The following DSCAML1 variants were observed in gnomAD, a reference collection of about 807,000 sequenced individuals.
The protein encoded by DSCAML1 is DS cell adhesion molecule like 1.
A neutral mutation model predicts 200.5 loss-of-function variants in DSCAML1; 38 were observed. That is an observed-to-expected ratio of 0.19 (90% CI 0.15 to 0.25). The LOEUF is 0.25. Among genes scored for constraint, DSCAML1 ranks in the 10% least tolerant of loss-of-function variants. DSCAML1 has a pLI of 1.00. For missense variants in DSCAML1, 2,223 were observed against 2,858.8 expected (o/e 0.78, Z 5.07); for synonymous variants, 1,215 against 1,165.0 (o/e 1.04, Z -0.87).
chr11:117,493,507 G>A (rs893944564), intron 11 of DSCAML1, among the ~76,000 whole-genome samples: 1 of 151,822 alleles, frequency 6.6e-6, no homozygotes, highest in Non-Finnish European at 1.5e-5. Context: ...GTAGAGATGG[G>A]GTTTCACCAT....
rs1592554204 is a variant in DSCAML1, at chr11:117,428,545, C to T, written c.5945G>A (p.Gly1982Asp). ...RTLAMPAPPA[G>D]TAPPAPGPTP... ...GGGGCCGGGGGCTGGGGGGGCTGTG[C>T]CGGCTGGGGGGGCTGGCATGGCCAG... Residue 1982 changes from glycine (G) to aspartate (D), a missense_variant, in exon 33 of 33, where the codon GGC (glycine) becomes GAC (aspartate). This residue lies in a region of DSCAML1 where 280 missense variants were observed against 213.4 expected (regional missense o/e 1.31). Coordinates refer to ENST00000651296, the MANE Select transcript of DSCAML1 (RefSeq NM_020693.4). 1 of 1,529,808 alleles carries T rather than the reference C, an allele frequency of 6.5e-7. No individual in the cohort carries two copies. The highest frequency in any genetic ancestry group is 8.8e-7 in the Non-Finnish European group (1 of 1,132,140). 94.8% of individuals were successfully genotyped at this position (1,529,808 alleles called of 1,614,324 possible).
chr11:117,682,286 C>A (rs1281689936), intron 3 of DSCAML1, among the ~76,000 whole-genome samples: 1 of 152,138 alleles, frequency 6.6e-6, no homozygotes, highest in Non-Finnish European at 1.5e-5. Context: ...CCAGCCCTGT[C>A]CAGAAACCTC....
chr11:117,526,461 C>T (rs2049980399), intron 4 of DSCAML1, among the ~76,000 whole-genome samples: 2 of 152,192 alleles, frequency 1.3e-5, no homozygotes, highest in African/African-American at 4.8e-5. Context: ...CTCTCAATGA[C>T]TCCCACAGAT....
At chr11:117,605,638 A>G (rs115895281) in intron 3 of DSCAML1, among the ~76,000 whole-genome samples, 6,477 of 152,198 alleles carry the variant, frequency 0.043, 238 homozygotes, top group African/African-American at 0.1. Context: ...CTGAGGCGGG[A>G]TGGGTGGATG....
At chr11:117,464,389 C>T (rs1351417452) in intron 17 of DSCAML1, among the ~76,000 whole-genome samples, 1 of 152,158 alleles carries the variant, frequency 6.6e-6, no homozygotes, top group Non-Finnish European at 1.5e-5. Context: ...TCCTAACCCT[C>T]TCCTCCTGGA....
chr11:117,489,139 C>T lies in DSCAML1; in HGVS notation c.2360-6977G>A, dbSNP rs35222383. Among the ~76,000 whole-genome samples, 1,377 of 152,364 alleles carry T rather than the reference C, an allele frequency of 9.0e-3. 15 individuals are homozygous for T. The highest frequency in any genetic ancestry group is 0.016 in the Non-Finnish European group (1,077 of 68,040). On this transcript the variant is annotated intron_variant, in intron 11 of 32. Coordinates refer to ENST00000651296, the MANE Select transcript of DSCAML1 (RefSeq NM_020693.4). This position sits in a 1 kb window ranked among gnomAD's most constrained non-coding sequence, Gnocchi z 4.8. ...CCACCTCTAGCCATCTGTTTGTCTG[C>T]CACCCTTGCATACAGTCCCTGGCTT... is the stretch of plus-strand genomic sequence containing the variant.
At chr11:117,444,845 C>CTT (rs939297966) in intron 20 of DSCAML1, among the ~76,000 whole-genome samples, 4 of 152,162 alleles carry the variant, frequency 2.6e-5, no homozygotes, top group African/African-American at 9.7e-5. Flanking sequence ...TCCTGTCAGC[C>CTT]TCTTCCCTGG....
chr11:117,732,328 T>C (rs2054236763), intron 3 of DSCAML1, among the ~76,000 whole-genome samples: 1 of 152,100 alleles, frequency 6.6e-6, no homozygotes, highest in Non-Finnish European at 1.5e-5. Flanking sequence ...GCACCAACAG[T>C]GATGTGGCAG....
intron 3 of DSCAML1, among the ~76,000 whole-genome samples, chr11:117,559,891 A>T (rs1300266346): frequency 1.1e-4 from 16 of 152,078 alleles, no homozygotes; most frequent in Admixed American, 1.0e-3. Context: ...GGATACAGGA[A>T]GGAAGGGCCT....
intron 3 of DSCAML1, among the ~76,000 whole-genome samples, chr11:117,558,601 A>C (rs905431949): frequency 1.3e-5 from 2 of 152,222 alleles, no homozygotes; most frequent in African/African-American, 4.8e-5. Context: ...CCCCGTCTCT[A>C]TGTGTAGCAG....
upstream of DSCAML1, chr11:117,801,718 TAAGATCACTGG>T: frequency 6.6e-6 from 1 of 152,362 alleles, no homozygotes; most frequent in South Asian, 2.1e-4. Flanking sequence ...ATTATGGCTC[TAAGATCACTGG>T]AGCAAAGGGT....
chr11:117,584,003 T>C (rs1591292933), intron 3 of DSCAML1, among the ~76,000 whole-genome samples: 1 of 151,788 alleles, frequency 6.6e-6, no homozygotes, highest in Admixed American at 6.6e-5. Flanking sequence ...CTGCAGGGGG[T>C]CATCTCCTCA....
intron 20 of DSCAML1, among the ~76,000 whole-genome samples, chr11:117,450,330 T>A (rs1274149822): frequency 1.3e-5 from 2 of 152,226 alleles, no homozygotes; most frequent in Non-Finnish European, 2.9e-5. Context: ...CCCCAGTGTT[T>A]GTGACAATCT....
intron 1 of DSCAML1, among the ~76,000 whole-genome samples, chr11:117,786,790 A>G (rs1358008450): frequency 6.6e-6 from 1 of 152,180 alleles, no homozygotes; most frequent in African/African-American, 2.4e-5. Flanking sequence ...TACTCATCTC[A>G]TTCACTGGAC....
intron 17 of DSCAML1, among the ~76,000 whole-genome samples, chr11:117,464,226 C>A (rs2048534774): frequency 6.6e-6 from 1 of 152,186 alleles, no homozygotes; most frequent in South Asian, 2.1e-4. Context: ...GAATGCTCTG[C>A]TGCTTCTTTA....
At position 117,486,335 on chromosome 11, in the gene DSCAML1, A is replaced by G. The variant is rs557554603; in HGVS notation, c.2360-4173T>C. On this transcript the variant is annotated intron_variant, in intron 11 of 32. Transcript: ENST00000651296. ...GGATGTGAAAGTAGCGGATGTGAAAATGGCGGATGTGATAATGGCGGATGT... is the reference window on the plus strand; with the variant it reads ...GGATGTGAAAGTAGCGGATGTGAAAGTGGCGGATGTGATAATGGCGGATGT... Among the ~76,000 whole-genome samples the G allele has an allele frequency of 9.4e-3, 1,414 of 149,724 alleles. 34 individuals are homozygous for G. Among genetic ancestry groups the G allele is most frequent in the African/African-American group, 0.032 (1,282 of 40,500 alleles).
chr11:117,780,294 A>AAGAAAGAAAGAAAGAAAGAAAGAC lies in DSCAML1; in HGVS notation c.364+198_364+199insGTCTTTCTTTCTTTCTTTCTTTCT. Among the ~76,000 whole-genome samples, 1 of 106,724 alleles carries AAGAAAGAAAGAAAGAAAGAAAGAC rather than the reference A, an allele frequency of 9.4e-6. No homozygotes were observed. The highest frequency in any genetic ancestry group is 2.2e-5 in the Non-Finnish European group (1 of 45,634). 70.0% of individuals were successfully genotyped at this position (106,724 alleles called of 152,430 possible). A position where few individuals can be genotyped will look rare whatever the true frequency, so the allele number is the denominator to read the frequency against. The stretch of plus-strand genomic sequence containing the variant: ...AAAGAAAGAAAGAAAGAAAGAAAGA[A>AAGAAAGAAAGAAAGAAAGAAAGAC]AGAAAGAAAGAGAGAAAGGAGAAAG... On this transcript the variant is annotated intron_variant, in intron 2 of 32. Coordinates refer to ENST00000651296, the MANE Select transcript of DSCAML1 (RefSeq NM_020693.4). The surrounding 1 kb of genome is among the most constrained non-coding windows in gnomAD (Gnocchi z 4.8).
Position 117,498,969 on chromosome 11 carries a change from C to T in DSCAML1, c.2359+4876G>A, listed in dbSNP as rs544527653. On this transcript the variant is annotated intron_variant, in intron 11 of 32. Coordinates refer to ENST00000651296, the MANE Select transcript of DSCAML1 (RefSeq NM_020693.4). The surrounding 1 kb of genome is among the most constrained non-coding windows in gnomAD (Gnocchi z 4.0). ...GTGGAAGAGAGTCTGGGAGGTCCAA[C>T]GAGACCTGTCTAATAAGGTCACCTG... Among the ~76,000 whole-genome samples, 1 of 152,274 alleles carries T rather than the reference C, an allele frequency of 6.6e-6. No homozygotes were observed. Among genetic ancestry groups the T allele is most frequent in the East Asian group, 1.9e-4 (1 of 5,178 alleles).
In DSCAML1 at chr11:117,573,279, G is replaced by A. The variant is rs540107931; in HGVS notation, c.512-40757C>T. Among the ~76,000 whole-genome samples, 15 of 152,334 alleles carry A rather than the reference G, an allele frequency of 9.8e-5. No homozygotes were observed. The South Asian group carries it at 1.4e-3, about 15-fold the overall frequency. On this transcript the variant is annotated intron_variant, in intron 3 of 32. Coordinates refer to ENST00000651296, the MANE Select transcript of DSCAML1 (RefSeq NM_020693.4). ...AGCTTTCTAGAGACTAGAGCAGTTT[G>A]CATTTATGGGTATTGGTGCCTAGAC...
Sources: gnomAD v4.1 joint callset for allele counts (sites outside exome capture counted in the v4.1 genomes callset) on GRCh38, gnomAD v4.1.1 for gene constraint, gnomAD v4.1.1 regional missense constraint, Gnocchi (gnomAD v3.1) non-coding constraint, MANE v1.5 for transcripts, NCBI Gene and HGNC (gene_info 2026-07-23, HGNC 2026-07-21) for gene names.